The following B4GALT5 variants were observed in gnomAD, a reference collection of about 807,000 sequenced individuals.
The protein encoded by B4GALT5 is beta-1,4-galactosyltransferase 5.
In B4GALT5, 11 loss-of-function variants were observed where a neutral mutation model predicts 45.0. The observed-to-expected ratio is 0.24, with a 90% CI of 0.15 to 0.40. B4GALT5 has a LOEUF of 0.40. Ranked by LOEUF, B4GALT5 falls within the 10% of genes least tolerant of loss-of-function variation. The probability of loss-of-function intolerance (pLI) is 1.00; values close to 1 mark genes in which losing one functional copy is unlikely to be tolerated. For missense variants in B4GALT5, 337 were observed against 500.2 expected (o/e 0.67, Z 3.11); for synonymous variants, 185 against 182.9 (o/e 1.01, Z -0.09).
intron 2 of B4GALT5, among the ~76,000 whole-genome samples, chr20:49,649,048 T>G (rs1175390787): frequency 6.6e-6 from 1 of 152,208 alleles, no homozygotes; most frequent in Non-Finnish European, 1.5e-5. Context: ...ATGAGCAGGT[T>G]TCCAAGAATC....
intron 1 of B4GALT5, among the ~76,000 whole-genome samples, chr20:49,711,222 CAGTACTA>C (rs1025966509): frequency 1.4e-4 from 21 of 152,160 alleles, no homozygotes; most frequent in African/African-American, 4.8e-4. Flanking sequence ...CAAGGGGATA[CAGTACTA>C]ATGAAAATGT....
intron 1 of B4GALT5, 138 bp from the exon 2 acceptor site, chr20:49,656,840 T>C (rs2085645481): frequency 9.1e-7 from 1 of 1,102,270 alleles, no homozygotes; most frequent in Non-Finnish European, 1.3e-6. Flanking sequence ...TACATGACCA[T>C]AACTCTATTT....
chr20:49,670,551 TCTGA>T (rs1438657289), intron 1 of B4GALT5, among the ~76,000 whole-genome samples: 2 of 152,212 alleles, frequency 1.3e-5, no homozygotes, highest in African/African-American at 2.4e-5. Context: ...CATCATGGTG[TCTGA>T]CTGAGTGAGG....
intron 2 of B4GALT5, among the ~76,000 whole-genome samples, chr20:49,649,002 T>C (rs2085610245): frequency 6.6e-6 from 1 of 152,256 alleles, no homozygotes; most frequent in African/African-American, 2.4e-5. Context: ...CCTAGAATTC[T>C]AGAATCTTCA....
chr20:49,707,911 G>GC, intron 1 of B4GALT5, among the ~76,000 whole-genome samples: 1 of 147,020 alleles, frequency 6.8e-6, no homozygotes, highest in East Asian at 2.0e-4. Context: ...ACCTTGCCCA[G>GC]CCTTTTTTTT....
At chr20:49,685,104 C>T (rs1025254644) in intron 1 of B4GALT5, among the ~76,000 whole-genome samples, 2 of 152,140 alleles carry the variant, frequency 1.3e-5, no homozygotes, top group Admixed American at 1.3e-4. Flanking sequence ...TCCATGACAA[C>T]AAAGAATACT....
rs1477302668 is a variant in B4GALT5 at position 49,663,691 on chromosome 20, ATATATACATATATATAT to A, written c.116-7006_116-6990del. On this transcript the variant is annotated intron_variant, in intron 1 of 8. Coordinates refer to ENST00000371711, the MANE Select transcript of B4GALT5 (RefSeq NM_004776.4). Reference sequence around the variant, plus strand: ...TCATCTCAAGAAAAAAAAAAAAAAAATATATACATATATATATATATATATATATATATATATGAAAA... The same window carrying A: ...TCATCTCAAGAAAAAAAAAAAAAAAAATATATATATATATATATATGAAAA... 1.4e-4 allele frequency among the ~76,000 whole-genome samples: 12 copies of A among 85,808 alleles called. No homozygotes were observed. In the East Asian group the frequency reaches 1.5e-3, roughly 10 times the overall value. The allele number at this position is 85,808 out of a possible 152,430, so 56.3% of individuals were successfully genotyped here.
At chr20:49,684,597 C>T (rs771094875) in intron 1 of B4GALT5, 2 of 518,804 alleles carry the variant, frequency 3.9e-6, no homozygotes, top group Admixed American at 3.9e-5. Context: ...CTGAAAGAGG[C>T]CACATATCAA....
chr20:49,700,456 T>G (rs2085857082), intron 1 of B4GALT5, among the ~76,000 whole-genome samples: 1 of 152,120 alleles, frequency 6.6e-6, no homozygotes, highest in Non-Finnish European at 1.5e-5. Flanking sequence ...CCACCACACC[T>G]GGCTAATTTT....
intron 4 of B4GALT5, among the ~76,000 whole-genome samples, chr20:49,642,906 G>C (rs1397484931): frequency 6.6e-6 from 1 of 152,204 alleles, no homozygotes; most frequent in East Asian, 1.9e-4. Context: ...TCACAAAACA[G>C]TATTTCCCCT....
intron 2 of B4GALT5, among the ~76,000 whole-genome samples, chr20:49,655,014 C>T (rs908778887): frequency 6.6e-6 from 1 of 152,086 alleles, no homozygotes; most frequent in Non-Finnish European, 1.5e-5. Flanking sequence ...ACCTTTAATC[C>T]TAGCACTTTG....
At chr20:49,688,921 G>A (rs1335050385) in intron 1 of B4GALT5, among the ~76,000 whole-genome samples, 1 of 135,902 alleles carries the variant, frequency 7.4e-6, no homozygotes, top group Non-Finnish European at 1.5e-5. Context: ...TGGGTAACAA[G>A]AGTGAAACTC....
At chr20:49,685,736 T>C (rs775986697) in intron 1 of B4GALT5, among the ~76,000 whole-genome samples, 4 of 152,158 alleles carry the variant, frequency 2.6e-5, no homozygotes, top group Non-Finnish European at 5.9e-5. Context: ...TAACAGCTAT[T>C]GTCCTAGAAA....
At chr20:49,665,249 GT>G (rs1468211029) in intron 1 of B4GALT5, among the ~76,000 whole-genome samples, 1 of 151,664 alleles carries the variant, frequency 6.6e-6, no homozygotes, top group Non-Finnish European at 1.5e-5. Flanking sequence ...GTGAGGCTCT[GT>G]CTCTACAAAA....
chr20:49,643,409 T>C (rs1389443928), intron 4 of B4GALT5, 117 bp downstream of exon 4: 10 of 1,329,922 alleles, frequency 7.5e-6, no homozygotes, highest in South Asian at 1.4e-5. Flanking sequence ...TACATTTGCA[T>C]GGAATGGTAG....
At chr20:49,667,296 C>A (rs2085695394) in intron 1 of B4GALT5, among the ~76,000 whole-genome samples, 1 of 150,782 alleles carries the variant, frequency 6.6e-6, no homozygotes. Context: ...GTCACCCAGG[C>A]TGGAGTGCAG....
At chr20:49,701,520 T>C (rs1000338986) in intron 1 of B4GALT5, among the ~76,000 whole-genome samples, 2 of 152,132 alleles carry the variant, frequency 1.3e-5, no homozygotes, top group African/African-American at 4.8e-5. Context: ...CTCCTAGTCA[T>C]CTAGGGACCA....
At chr20:49,639,591 T>C (rs1397767371) in intron 7 of B4GALT5, 87 bp downstream of exon 7, 5 of 1,526,008 alleles carry the variant, frequency 3.3e-6, no homozygotes, top group South Asian at 1.2e-5. Context: ...ATTACACACA[T>C]GGCTTGCATT....
intron 8 of B4GALT5, among the ~76,000 whole-genome samples, chr20:49,636,907 G>GACACACACACACAC (rs5841760): frequency 0.019 from 2,843 of 146,444 alleles, 50 homozygotes; most frequent in African/African-American, 0.044. Flanking sequence ...ATTTAGAAAA[G>GACACACACACACAC]ACACACACAC....
Sources: gnomAD v4.1 joint callset for allele counts (sites outside exome capture counted in the v4.1 genomes callset) on GRCh38, gnomAD v4.1.1 for gene constraint, MANE v1.5 for transcripts, NCBI Gene and HGNC (gene_info 2026-07-23, HGNC 2026-07-21) for gene names.